HTT: variants seen among roughly 807,000 people sequenced by gnomAD.
HTT encodes huntingtin.
In HTT, 104 loss-of-function variants were observed where a neutral mutation model predicts 362.3. The observed-to-expected ratio is 0.29, with a 90% CI of 0.24 to 0.34. HTT has a LOEUF of 0.34. HTT is among the 10% of genes least tolerant of loss of function. The probability of loss-of-function intolerance (pLI) is 1.00; values close to 1 mark genes in which losing one functional copy is unlikely to be tolerated. For missense variants in HTT, 3,301 were observed against 3,928.6 expected, an observed-to-expected ratio of 0.84 and a Z score of 4.27; for synonymous variants, 1,577 against 1,548.7, an observed-to-expected ratio of 1.02 and a Z score of -0.43.
intron 12 of HTT, chr4:3,129,129 G>A (rs1676384521): frequency 6.6e-6 from 1 of 152,186 alleles, no homozygotes; most frequent in South Asian, 2.1e-4. Flanking sequence ...TGTATGGATA[G>A]GCCACATTTT....
intron 19 of HTT, among the ~76,000 whole-genome samples, chr4:3,135,573 G>A (rs1716023694): frequency 6.6e-6 from 1 of 152,096 alleles, no homozygotes; most frequent in Non-Finnish European, 1.5e-5. Context: ...GCGTGCATGA[G>A]TGGGCAGCAA....
chr4:3,107,192 A>G (rs1714475618), intron 5 of HTT, 93 bp from the exon 6 acceptor site: 1 of 1,359,972 alleles, frequency 7.4e-7, no homozygotes, highest in South Asian at 1.3e-5. Context: ...CTGTTGGAAT[A>G]TAAAACTGGC....
In HTT at chr4:3,186,670, G is replaced by T. The variant is rs781211490; in HGVS notation, c.4940G>T (p.Arg1647Leu). 4 of 1,612,294 alleles carry T rather than the reference G, an allele frequency of 2.5e-6. No homozygotes were observed. Among genetic ancestry groups the T allele is most frequent in the Non-Finnish European group, 2.5e-6 (3 of 1,178,970 alleles). Residue 1647 changes from arginine (R) to leucine (L), a missense_variant, in exon 38 of 67, where the codon CGT (arginine) becomes CTT (leucine). This residue lies in a region of HTT where 2,316 missense variants were observed against 2,658.5 expected (regional missense o/e 0.87). Transcript: ENST00000355072. ...LFEILAPSSL[R>L]PVDMLLRSMF... ...GAGATTTTGGCCCCTTCCTCCCTCCGTCCGGTAGACATGCTTTTACGGAGT... is the reference window on the plus strand; with the variant it reads ...GAGATTTTGGCCCCTTCCTCCCTCCTTCCGGTAGACATGCTTTTACGGAGT...
intron 2 of HTT, among the ~76,000 whole-genome samples, chr4:3,088,287 C>T (rs994119510): frequency 1.3e-5 from 2 of 151,274 alleles, no homozygotes; most frequent in Admixed American, 6.6e-5. Flanking sequence ...CCCAGGTTCA[C>T]GCCATTCTCC....
intron 42 of HTT, among the ~76,000 whole-genome samples, chr4:3,204,760 G>A (rs1404106524): frequency 6.6e-6 from 1 of 152,142 alleles, no homozygotes; most frequent in Non-Finnish European, 1.5e-5. Flanking sequence ...TTGAGCCTGG[G>A]AGTTCGAGAC....
intron 22 of HTT, among the ~76,000 whole-genome samples, chr4:3,142,444 A>G (rs1189395650): frequency 6.6e-6 from 1 of 152,198 alleles, no homozygotes; most frequent in African/African-American, 2.4e-5. Context: ...GGAGATGAGA[A>G]GTGGAGAAAG....
At chr4:3,186,838 CTTT>C (rs1160738052) in intron 38 of HTT, 119 bp downstream of exon 38, 11,551 of 245,498 alleles carry the variant, frequency 0.047, no homozygotes, top group South Asian at 0.073. Context: ...TGAGAGTTTG[CTTT>C]TTTTTTTTTT....
intron 65 of HTT, 38 bp downstream of exon 65, chr4:3,238,647 C>A: frequency 6.4e-7 from 1 of 1,563,008 alleles, no homozygotes; most frequent in South Asian, 1.2e-5. Context: ...AGTGGGAAAG[C>A]CTGGAGGTGG....
chr4:3,192,942 C>T (rs1009215177), intron 40 of HTT, among the ~76,000 whole-genome samples: 11 of 152,230 alleles, frequency 7.2e-5, no homozygotes, highest in South Asian at 2.1e-4. Flanking sequence ...AACTTCCAGT[C>T]AGTGCGTCAG....
intron 37 of HTT, among the ~76,000 whole-genome samples, chr4:3,184,703 A>G (rs1718680658): frequency 6.6e-6 from 1 of 152,090 alleles, no homozygotes; most frequent in African/African-American, 2.4e-5. Context: ...TTGAGACCCC[A>G]TAGGTGCCTA....
intron 1 of HTT, among the ~76,000 whole-genome samples, chr4:3,083,595 G>GTA (rs1713043558): frequency 1.7e-5 from 2 of 121,174 alleles, no homozygotes; most frequent in African/African-American, 2.7e-5. Context: ...ACATATATAT[G>GTA]TATATATATG....
intron 49 of HTT, 168 bp downstream of exon 49, chr4:3,212,877 C>T (rs1720229826): frequency 2.8e-6 from 2 of 708,120 alleles, no homozygotes; most frequent in Admixed American, 2.6e-5. Context: ...TTGTAGCCAT[C>T]CTTCACCCTC....
At chr4:3,162,910 C>G (rs1052285022) in intron 29 of HTT, among the ~76,000 whole-genome samples, 2 of 152,098 alleles carry the variant, frequency 1.3e-5, no homozygotes, top group African/African-American at 2.4e-5. Context: ...ATTTGAATAC[C>G]CTTTATTGCT....
At chr4:3,129,576 C>T (rs145785233) in intron 12 of HTT, 386 of 208,834 alleles carry the variant, frequency 1.8e-3, no homozygotes, top group African/African-American at 8.5e-3. Flanking sequence ...AGGTTTTTGT[C>T]GAAAAGCTTT....
intron 21 of HTT, among the ~76,000 whole-genome samples, chr4:3,138,715 G>C (rs570451332): frequency 1.2e-4 from 18 of 152,258 alleles, no homozygotes; most frequent in African/African-American, 4.3e-4. Flanking sequence ...CCAGGTTCAA[G>C]TGATTCCCAC....
intron 29 of HTT, among the ~76,000 whole-genome samples, chr4:3,165,346 C>G (rs745495631): frequency 6.6e-6 from 1 of 151,088 alleles, no homozygotes; most frequent in African/African-American, 2.4e-5. Context: ...TCTGGCTGCC[C>G]TTTCCTTCAT....
At chr4:3,226,814 C>T (rs1346745430) in intron 57 of HTT, among the ~76,000 whole-genome samples, 1 of 152,232 alleles carries the variant, frequency 6.6e-6, no homozygotes, top group African/African-American at 2.4e-5. Flanking sequence ...CTGCTCTCTG[C>T]CTGTACTGTC....
chr4:3,217,740 C>T (rs1413636035), intron 51 of HTT, 25 bp from the exon 52 acceptor site: 3 of 1,588,362 alleles, frequency 1.9e-6, no homozygotes, highest in Admixed American at 1.7e-5. Context: ...TTTAAAAAGT[C>T]CTCTCTTAAC....
rs1721869848 is a variant in HTT at position 3,242,839 on chromosome 4, C to G, written c.*2780C>G. 6.6e-6 allele frequency: 1 copy of G among 152,170 alleles called. No homozygotes were observed. Among genetic ancestry groups the G allele is most frequent in the Admixed American group, 6.5e-5 (1 of 15,274 alleles). The allele number at this position is 152,170 out of a possible 1,614,324, so 9.4% of individuals were successfully genotyped here. A position where few individuals can be genotyped will look rare whatever the true frequency, so the allele number is the denominator to read the frequency against. On this transcript the variant is annotated 3_prime_UTR_variant, in exon 67 of 67. Transcript: ENST00000355072. The stretch of plus-strand genomic sequence containing the variant: ...TTTGGCAATGCACTGAAGCGTGTTT[C>G]TTTCCCAAAATGTGCCTCCCTTCCG...
Sources: allele counts gnomAD v4.1 joint callset (sites outside exome capture counted in the v4.1 genomes callset), GRCh38; gene constraint gnomAD v4.1.1; regional missense constraint gnomAD v4.1.1; transcripts MANE v1.5; gene names NCBI Gene and HGNC (gene_info 2026-07-23, HGNC 2026-07-21).